TMEM200A: variants seen among roughly 807,000 people sequenced by gnomAD.
TMEM200A encodes two transmembrane C.
In TMEM200A, 12 loss-of-function variants were observed where a neutral mutation model predicts 24.3. The ratio of observed to expected loss-of-function variants is 0.49; its 90% confidence interval spans 0.32 to 0.80. The LOEUF (loss-of-function observed/expected upper bound fraction) is 0.80. Ranked by LOEUF, TMEM200A falls within the 30% of genes least tolerant of loss-of-function variation. The pLI is 0.04. For missense variants in TMEM200A, 545 were observed against 614.4 expected, an observed-to-expected ratio of 0.89 and a Z score of 1.19; for synonymous variants, 224 against 224.4, an observed-to-expected ratio of 1.00 and a Z score of 0.02.
intron 1 of TMEM200A, among the ~76,000 whole-genome samples, chr6:130,381,606 A>G (rs1583178442): frequency 6.6e-6 from 1 of 152,336 alleles, no homozygotes; most frequent in East Asian, 1.9e-4. Context: ...AATGTCCACC[A>G]TGTTTCTGTG....
chr6:130,438,876 C>CTT (rs1385376663), intron 2 of TMEM200A: 2 of 152,188 alleles, frequency 1.3e-5, no homozygotes, highest in South Asian at 4.1e-4. Flanking sequence ...CTAGAGAAGG[C>CTT]TTTATAAAGA....
At chr6:130,396,648 T>A (rs886155366) in intron 2 of TMEM200A, among the ~76,000 whole-genome samples, 2 of 152,080 alleles carry the variant, frequency 1.3e-5, no homozygotes, top group Admixed American at 1.3e-4. Context: ...TGCACACACA[T>A]TTATACTTTG....
rs538904933 is a variant in TMEM200A at position 130,436,034 on chromosome 6, A to G, written c.-16-4373A>G. ...GGTCCACAGGCCTAGTTTTAAAGGC[A>G]GAGCAGCATTCTTTTGCATTTGGTG... On this transcript the variant is annotated intron_variant, in intron 2 of 2. Transcript: ENST00000296978. Among the ~76,000 whole-genome samples, 6 of 152,338 alleles carry G rather than the reference A, an allele frequency of 3.9e-5. No individual in the cohort carries two copies. The East Asian group carries it at 1.2e-3, about 29-fold the overall frequency.
intron 2 of TMEM200A, among the ~76,000 whole-genome samples, chr6:130,422,364 G>A (rs1310255427): frequency 6.6e-6 from 1 of 152,154 alleles, no homozygotes; most frequent in East Asian, 1.9e-4. Flanking sequence ...CGCCTCCGGG[G>A]TTCAAGTGAT....
At chr6:130,381,607 T>C (rs1298271516) in intron 1 of TMEM200A, among the ~76,000 whole-genome samples, 1 of 152,218 alleles carries the variant, frequency 6.6e-6, no homozygotes, top group South Asian at 2.1e-4. Flanking sequence ...ATGTCCACCA[T>C]GTTTCTGTGA....
At chr6:130,413,927 A>C (rs1779389142) in intron 2 of TMEM200A, among the ~76,000 whole-genome samples, 1 of 152,144 alleles carries the variant, frequency 6.6e-6, no homozygotes, top group South Asian at 2.1e-4. Flanking sequence ...TAGGAGTTTT[A>C]AATTCTCACA....
chr6:130,417,879 T>C (rs1400213892), intron 2 of TMEM200A, among the ~76,000 whole-genome samples: 1 of 152,120 alleles, frequency 6.6e-6, no homozygotes, highest in Non-Finnish European at 1.5e-5. Context: ...AACGCATATG[T>C]ATACTCAAAG....
intron 2 of TMEM200A, among the ~76,000 whole-genome samples, chr6:130,393,478 G>A (rs978073711): frequency 6.1e-4 from 93 of 152,294 alleles, no homozygotes; most frequent in South Asian, 4.1e-4. Context: ...GTGTGCAATG[G>A]GCAGACGTGT....
In TMEM200A at chr6:130,440,748, G is replaced by A; in HGVS notation, c.326G>A (p.Gly109Asp). The A allele has an allele frequency of 6.2e-7, 1 of 1,613,964 alleles. No homozygotes were observed. The highest frequency in any genetic ancestry group is 1.1e-5 in the South Asian group (1 of 91,086). Residue 109 changes from glycine to aspartate, a missense_variant, in exon 3 of 3, where the codon GGC (glycine) becomes GAC (aspartate). Coordinates refer to ENST00000296978, the MANE Select transcript of TMEM200A (RefSeq NM_001258277.2). ...TNETQVIRNE[G>D]GVVVRFFEQH... is the part of the protein sequence containing the mutation. ...GAAACTCAGGTCATTCGGAATGAAG[G>A]CGGTGTGGTGGTTCGCTTCTTTGAG...
rs374765647 is a variant in TMEM200A, at chr6:130,412,513, T to G, written c.-17+27277T>G. Among the ~76,000 whole-genome samples the G allele has an allele frequency of 2.6e-5, 4 of 152,294 alleles. No homozygotes were observed. In the South Asian group the frequency reaches 8.3e-4, roughly 32 times the overall value. On this transcript the variant is annotated intron_variant, in intron 2 of 2. Coordinates refer to ENST00000296978, the MANE Select transcript of TMEM200A (RefSeq NM_001258277.2). ...CCATATGAAGTGCTCCTCTCTTGGC[T>G]TGGGCTCTGAAACTCTGTGCCTAGA...
At chr6:130,393,278 C>G (rs1266480145) in intron 2 of TMEM200A, among the ~76,000 whole-genome samples, 2 of 151,940 alleles carry the variant, frequency 1.3e-5, no homozygotes, top group African/African-American at 4.8e-5. Flanking sequence ...TTAATTGTCC[C>G]TAATTTTAAG....
At chr6:130,407,103 C>G (rs369021808) in intron 2 of TMEM200A, among the ~76,000 whole-genome samples, 1 of 151,936 alleles carries the variant, frequency 6.6e-6, no homozygotes, top group African/African-American at 2.4e-5. Context: ...ATGTGAAAGG[C>G]GCTTGGAATT....
At chr6:130,387,295 C>T (rs776581818) in intron 2 of TMEM200A, among the ~76,000 whole-genome samples, 13 of 152,174 alleles carry the variant, frequency 8.5e-5, no homozygotes, top group African/African-American at 1.7e-4. Context: ...TGTTTTTTGA[C>T]GGACTCTCGC....
At chr6:130,398,703 T>C (rs1779009569) in intron 2 of TMEM200A, among the ~76,000 whole-genome samples, 1 of 152,092 alleles carries the variant, frequency 6.6e-6, no homozygotes, top group Non-Finnish European at 1.5e-5. Flanking sequence ...GGTATCTCAT[T>C]GTGGTTTTGA....
chr6:130,418,401 C>T (rs985432713), intron 2 of TMEM200A, among the ~76,000 whole-genome samples: 1 of 152,152 alleles, frequency 6.6e-6, no homozygotes, highest in African/African-American at 2.4e-5. Flanking sequence ...TCTAGAGCCA[C>T]TCATGAACCA....
intron 2 of TMEM200A, among the ~76,000 whole-genome samples, chr6:130,411,337 T>C (rs1490012786): frequency 1.3e-5 from 2 of 152,310 alleles, no homozygotes; most frequent in Admixed American, 6.5e-5. Context: ...ATTTTGCAAG[T>C]ACAGTACAAA....
At chr6:130,418,108 G>A (rs1779500929) in intron 2 of TMEM200A, among the ~76,000 whole-genome samples, 1 of 151,998 alleles carries the variant, frequency 6.6e-6, no homozygotes, top group Admixed American at 6.6e-5. Context: ...CTCTTGGCAT[G>A]ATTATGCTTT....
At chr6:130,407,576 G>T (rs892294943) in intron 2 of TMEM200A, among the ~76,000 whole-genome samples, 1 of 152,192 alleles carries the variant, frequency 6.6e-6, no homozygotes, top group African/African-American at 2.4e-5. Flanking sequence ...TTACACAGGT[G>T]TGTCCACGGA....
intron 2 of TMEM200A, among the ~76,000 whole-genome samples, chr6:130,389,997 G>A (rs913209151): frequency 6.6e-6 from 1 of 152,164 alleles, no homozygotes; most frequent in Non-Finnish European, 1.5e-5. Flanking sequence ...TTGCTTACAG[G>A]TTCATTAGGC....
Sources: allele counts gnomAD v4.1 joint callset (sites outside exome capture counted in the v4.1 genomes callset), GRCh38; gene constraint gnomAD v4.1.1; transcripts MANE v1.5; gene names NCBI Gene and HGNC (gene_info 2026-07-23, HGNC 2026-07-21).